BMPR1B: variants seen among roughly 807,000 people sequenced by gnomAD.
BMPR1B encodes bone morphogenetic protein receptor type 1B, also known as bone morphogenetic protein receptor type-1B.
BMPR1B carries 12 observed loss-of-function variants against 59.1 expected under a neutral mutation model. The ratio of observed to expected loss-of-function variants is 0.20; its 90% CI spans 0.13 to 0.33. The LOEUF is 0.33. Ranked by LOEUF, BMPR1B falls within the 10% of genes least tolerant of loss-of-function variation. BMPR1B has a pLI of 1.00. For synonymous variants in BMPR1B, 237 were observed against 207.3 expected (o/e 1.14, Z -1.23); for missense variants, 550 against 610.9 (o/e 0.90, Z 1.05).
rs1396065808 is a variant in BMPR1B, at chr4:95,156,955, C to G, written c.*2282C>G. ...CATGTTTTTGTTTCTTGGGTTTTTC[C>G]TAAATTTAAGTGAGGTTGGGCTTAC... is the stretch of plus-strand genomic sequence containing the variant. On this transcript the variant is annotated 3_prime_UTR_variant, in exon 13 of 13. Coordinates refer to ENST00000515059, the MANE Select transcript of BMPR1B (RefSeq NM_001203.3). 1 of 151,978 alleles carries G rather than the reference C, an allele frequency of 6.6e-6. No homozygotes were observed. Among genetic ancestry groups the G allele is most frequent in the East Asian group, 1.9e-4 (1 of 5,176 alleles). 9.4% of individuals were successfully genotyped at this position (151,978 alleles called of 1,614,324 possible).
At chr4:94,839,816 G>A (rs1478306041) in intron 1 of BMPR1B, among the ~76,000 whole-genome samples, 2 of 147,652 alleles carry the variant, frequency 1.4e-5, no homozygotes, top group African/African-American at 5.1e-5. Context: ...ATGTTAGCTG[G>A]TTATTTTGCT....
chr4:94,794,996 T>G (rs549022014), intron 1 of BMPR1B, among the ~76,000 whole-genome samples: 67 of 145,422 alleles, frequency 4.6e-4, no homozygotes, highest in South Asian at 1.2e-3. Flanking sequence ...CTTTTCCTAA[T>G]TGAATACCCT....
chr4:94,934,825 T>G (rs1729228928), intron 2 of BMPR1B, among the ~76,000 whole-genome samples: 1 of 152,154 alleles, frequency 6.6e-6, no homozygotes, highest in Admixed American at 6.6e-5. Context: ...TTTTTGTTTT[T>G]TTGTTTTAGT....
At chr4:94,784,831 G>A (rs1010818187) in intron 1 of BMPR1B, among the ~76,000 whole-genome samples, 3 of 152,094 alleles carry the variant, frequency 2.0e-5, no homozygotes, top group African/African-American at 4.8e-5. Context: ...CATTTTCATT[G>A]TAACCTCATC....
chr4:94,763,707 T>G (rs1226924742), intron 1 of BMPR1B, among the ~76,000 whole-genome samples: 1 of 152,230 alleles, frequency 6.6e-6, no homozygotes, highest in Admixed American at 6.5e-5. Flanking sequence ...CTAGTTAATT[T>G]GATGATTTAC....
intron 3 of BMPR1B, among the ~76,000 whole-genome samples, chr4:95,084,187 A>G (rs1186527533): frequency 1.3e-5 from 2 of 151,498 alleles, no homozygotes; most frequent in African/African-American, 4.8e-5. Context: ...ACATATATCT[A>G]ACTTATGATA....
chr4:94,782,181 G>A lies in BMPR1B; in HGVS notation c.-183+24113G>A, dbSNP rs1004698494. On this transcript the variant is annotated intron_variant, in intron 1 of 12. Transcript: ENST00000515059. ...TCTGAGGTTCTGCTTATTTTTCTTC[G>A]TTTCTAAAAACCTGTTCTTCAGGTT... 3.3e-5 allele frequency among the ~76,000 whole-genome samples: 5 copies of A among 150,364 alleles called. No homozygotes were observed. The South Asian group carries it at 6.3e-4, about 19-fold the overall frequency.
At chr4:94,823,406 T>C (rs536247363) in intron 1 of BMPR1B, among the ~76,000 whole-genome samples, 5 of 152,260 alleles carry the variant, frequency 3.3e-5, no homozygotes, top group Admixed American at 6.5e-5. Context: ...TGGGTGGATA[T>C]GTATGAGTTA....
At chr4:94,863,951 G>A (rs1488087205) in intron 1 of BMPR1B, among the ~76,000 whole-genome samples, 2 of 152,238 alleles carry the variant, frequency 1.3e-5, no homozygotes, top group Non-Finnish European at 2.9e-5. Flanking sequence ...GTGATTGTCA[G>A]AACAGCATTC....
chr4:95,044,388 T>TGAA (rs546819898), intron 3 of BMPR1B, among the ~76,000 whole-genome samples: 4 of 152,216 alleles, frequency 2.6e-5, no homozygotes, highest in Non-Finnish European at 5.9e-5. Context: ...CCAGAACATC[T>TGAA]GAAGGACTTT....
chr4:95,045,094 T>C (rs1226998307), intron 3 of BMPR1B, among the ~76,000 whole-genome samples: 3 of 152,200 alleles, frequency 2.0e-5, no homozygotes, highest in Non-Finnish European at 4.4e-5. Context: ...GTTATTAATG[T>C]GCCTGTGTGT....
At chr4:94,841,164 A>G (rs1297905569) in intron 1 of BMPR1B, among the ~76,000 whole-genome samples, 1 of 149,658 alleles carries the variant, frequency 6.7e-6, no homozygotes, top group Non-Finnish European at 1.5e-5. Context: ...TGCTCTCTTC[A>G]AAGCTGTCTG....
At chr4:94,927,013 G>A (rs1202794766) in intron 2 of BMPR1B, among the ~76,000 whole-genome samples, 1 of 151,892 alleles carries the variant, frequency 6.6e-6, no homozygotes, top group Non-Finnish European at 1.5e-5. Context: ...AAAGTTATTT[G>A]TGTATAATCC....
At chr4:95,076,781 C>T (rs988949562) in intron 3 of BMPR1B, among the ~76,000 whole-genome samples, 6 of 151,678 alleles carry the variant, frequency 4.0e-5, no homozygotes, top group African/African-American at 1.2e-4. Context: ...TCTGTGGAAA[C>T]GTTAAAAAAG....
intron 3 of BMPR1B, among the ~76,000 whole-genome samples, chr4:95,059,981 A>T (rs1298976920): frequency 6.6e-6 from 1 of 152,204 alleles, no homozygotes; most frequent in Non-Finnish European, 1.5e-5. Context: ...TTCATTGAGC[A>T]CTGGCTGAGC....
intron 1 of BMPR1B, among the ~76,000 whole-genome samples, chr4:94,797,767 A>G (rs1401255292): frequency 6.6e-6 from 1 of 152,134 alleles, no homozygotes; most frequent in Admixed American, 6.5e-5. Context: ...ATGAATTTGT[A>G]TTTTTAGCAA....
At chr4:95,092,552 T>G (rs530343561) in intron 3 of BMPR1B, among the ~76,000 whole-genome samples, 68 of 152,150 alleles carry the variant, frequency 4.5e-4, no homozygotes, top group Non-Finnish European at 8.2e-4. Context: ...GTGTTTAGCT[T>G]GAAATATATA....
chr4:95,037,590 A>G (rs1196582094), intron 3 of BMPR1B, among the ~76,000 whole-genome samples: 8 of 152,162 alleles, frequency 5.3e-5, no homozygotes, highest in Non-Finnish European at 1.2e-4. Flanking sequence ...GAAGGGAAGT[A>G]CTCTTAAGAA....
At chr4:94,933,937 C>A (rs1056074430) in intron 2 of BMPR1B, among the ~76,000 whole-genome samples, 24 of 152,112 alleles carry the variant, frequency 1.6e-4, no homozygotes, top group African/African-American at 5.8e-4. Context: ...CATAGGTATT[C>A]CGTTGCGTTG....
Sources: allele counts gnomAD v4.1 joint callset (sites outside exome capture counted in the v4.1 genomes callset), GRCh38; gene constraint gnomAD v4.1.1; transcripts MANE v1.5; gene names NCBI Gene and HGNC (gene_info 2026-07-23, HGNC 2026-07-21).